FOXN3: variants seen among roughly 807,000 people sequenced by gnomAD.
The protein encoded by FOXN3 is forkhead box N3, also known as forkhead box protein N3.
FOXN3 carries 7 observed loss-of-function variants against 38.4 expected under a neutral mutation model. The observed-to-expected ratio is 0.18, with a 90% CI of 0.10 to 0.34. The LOEUF (loss-of-function observed/expected upper bound fraction) is 0.34. Among genes scored for constraint, FOXN3 ranks in the 10% least tolerant of loss-of-function variants. FOXN3 has a pLI of 1.00. For missense variants in FOXN3, 456 were observed against 613.4 expected (o/e 0.74, Z 2.71); for synonymous variants, 230 against 242.2 (o/e 0.95, Z 0.47).
chr14:89,512,676 C>A (rs1440221514), intron 1 of FOXN3, among the ~76,000 whole-genome samples: 1 of 152,236 alleles, frequency 6.6e-6, no homozygotes, highest in African/African-American at 2.4e-5. Context: ...GGACAGAGAG[C>A]CCTACCGCAC....
At chr14:89,213,038 G>C (rs1884151605) in intron 4 of FOXN3, among the ~76,000 whole-genome samples, 1 of 152,142 alleles carries the variant, frequency 6.6e-6, no homozygotes, top group Non-Finnish European at 1.5e-5. Context: ...TGTTTTTCTG[G>C]ACATAGAGAT....
intron 4 of FOXN3, among the ~76,000 whole-genome samples, chr14:89,246,542 CTTTTTT>C (rs755916666): frequency 2.4e-5 from 2 of 83,986 alleles, no homozygotes; most frequent in African/African-American, 4.8e-5. Flanking sequence ...CAGGATGCGG[CTTTTTT>C]TTTTTTTTTT....
At chr14:89,338,056 T>C (rs895420071) in intron 3 of FOXN3, among the ~76,000 whole-genome samples, 21 of 152,216 alleles carry the variant, frequency 1.4e-4, no homozygotes, top group African/African-American at 5.1e-4. Flanking sequence ...GCTTGAAGAA[T>C]GACCAGGTCC....
At chr14:89,305,881 A>G (rs183017853) in intron 3 of FOXN3, among the ~76,000 whole-genome samples, 1 of 152,332 alleles carries the variant, frequency 6.6e-6, no homozygotes, top group East Asian at 1.9e-4. Context: ...ATTTCCCTCA[A>G]TAGGATACTA....
chr14:89,488,243 G>A (rs549256796), intron 1 of FOXN3, among the ~76,000 whole-genome samples: 8 of 151,998 alleles, frequency 5.3e-5, no homozygotes, highest in Middle Eastern at 3.4e-3. Flanking sequence ...CCACCACACC[G>A]GGCTAATTTT....
At position 89,484,919 on chromosome 14, in the gene FOXN3, A is replaced by C. The variant is rs1478528117; in HGVS notation, c.-14-72429T>G. Among the ~76,000 whole-genome samples, 1 of 152,106 alleles carries C rather than the reference A, an allele frequency of 6.6e-6. No individual in the cohort carries two copies. Among genetic ancestry groups the C allele is most frequent in the Non-Finnish European group, 1.5e-5 (1 of 68,006 alleles). On this transcript the variant is annotated intron_variant, in intron 1 of 6. Coordinates refer to the FOXN3 transcript ENST00000345097. This position sits in a 1 kb window ranked among gnomAD's most constrained non-coding sequence, Gnocchi z 4.0. ...TTGGAGAACGTGCCTTGGGAGGCCAAGGCAGGAGGATCACTTGAGGTCAGG... is the reference window on the plus strand; with the variant it reads ...TTGGAGAACGTGCCTTGGGAGGCCACGGCAGGAGGATCACTTGAGGTCAGG...
At chr14:89,178,112 A>G (rs191109760) in intron 5 of FOXN3, among the ~76,000 whole-genome samples, 2 of 151,526 alleles carry the variant, frequency 1.3e-5, no homozygotes, top group Admixed American at 1.3e-4. Flanking sequence ...GGCTCAAGGG[A>G]TCCTCCCACC....
intron 1 of FOXN3, among the ~76,000 whole-genome samples, chr14:89,414,553 T>G (rs1037537917): frequency 1.5e-5 from 1 of 66,990 alleles, no homozygotes; most frequent in Non-Finnish European, 3.1e-5. Flanking sequence ...CCCAACCGGT[T>G]TTTTTTTTTT....
At chr14:89,435,247 G>A (rs780779674) in intron 1 of FOXN3, among the ~76,000 whole-genome samples, 20 of 151,896 alleles carry the variant, frequency 1.3e-4, no homozygotes, top group Admixed American at 5.9e-4. Flanking sequence ...TTAGCTGGGC[G>A]GTGCACACCT....
chr14:89,318,518 C>G (rs1428023990), intron 3 of FOXN3, among the ~76,000 whole-genome samples: 1 of 152,160 alleles, frequency 6.6e-6, no homozygotes, highest in African/African-American at 2.4e-5. Flanking sequence ...TACAGCCAGG[C>G]ACAATACAGG....
At chr14:89,551,593 C>T (rs1895007182) in intron 1 of FOXN3, among the ~76,000 whole-genome samples, 1 of 152,164 alleles carries the variant, frequency 6.6e-6, no homozygotes, top group Admixed American at 6.5e-5. Flanking sequence ...CATGTGCCAG[C>T]TGCTGCCCCA....
At chr14:89,424,675 A>G (rs12892159) in intron 1 of FOXN3, among the ~76,000 whole-genome samples, 95,760 of 149,838 alleles carry the variant, frequency 0.64, 31,652 homozygotes, top group Non-Finnish European at 0.71. Context: ...CTAGAAGTTC[A>G]AGACCAGCCT....
At chr14:89,526,690 T>G (rs952315800) in intron 1 of FOXN3, among the ~76,000 whole-genome samples, 1 of 152,176 alleles carries the variant, frequency 6.6e-6, no homozygotes. Flanking sequence ...ATCTAAAGAT[T>G]TAAAGTATTC....
intron 1 of FOXN3, among the ~76,000 whole-genome samples, chr14:89,413,944 AAGGGGGAGGAGG>A (rs1026605849): frequency 2.0e-5 from 2 of 98,564 alleles, no homozygotes; most frequent in African/African-American, 8.5e-5. Context: ...GGGGGAGGAG[AAGGGGGAGGAGG>A]AGGAGGGATG....
rs766804328 is a variant in FOXN3 at position 89,289,069 on chromosome 14, C to G, written c.681-8055G>C. On this transcript the variant is annotated intron_variant, in intron 3 of 5. Coordinates refer to ENST00000557258, the MANE Select transcript of FOXN3 (RefSeq NM_005197.4). ...TGGTGGTGGGCGCCTATAACCCTAG[C>G]TACTCAGGAGGCTTAGGCACAAGAA... Among the ~76,000 whole-genome samples the G allele has an allele frequency of 3.5e-4, 52 of 150,284 alleles. 1 individual carries two copies. Among genetic ancestry groups the G allele is most frequent in the Non-Finnish European group, 3.8e-4 (26 of 67,702 alleles).
At chr14:89,175,464 T>C (rs539373347) in intron 5 of FOXN3, among the ~76,000 whole-genome samples, 1 of 152,316 alleles carries the variant, frequency 6.6e-6, no homozygotes, top group South Asian at 2.1e-4. Context: ...GAAGGAAACC[T>C]GGGAAGGTCT....
chr14:89,354,447 A>G (rs1475095899), intron 2 of FOXN3, among the ~76,000 whole-genome samples: 1 of 150,786 alleles, frequency 6.6e-6, no homozygotes, highest in African/African-American at 2.4e-5. Flanking sequence ...GCTGGTCTCA[A>G]ACTCCTAACC....
At position 89,325,449 on chromosome 14, in the gene FOXN3, C is replaced by T. The variant is rs552177568; in HGVS notation, c.680+25223G>A. Among the ~76,000 whole-genome samples the T allele has an allele frequency of 5.3e-5, 8 of 152,112 alleles. No individual in the cohort carries two copies. In the East Asian group the frequency reaches 1.4e-3, roughly 26 times the overall value. On this transcript the variant is annotated intron_variant, in intron 3 of 5. Transcript: ENST00000557258. The stretch of plus-strand genomic sequence containing the variant: ...CTCTGCACTGTATCATGTCAGAGAC[C>T]CAGAGACTGAGGCTACTGGGGCCCT...
intron 4 of FOXN3, among the ~76,000 whole-genome samples, chr14:89,228,148 T>C (rs988409617): frequency 3.3e-5 from 5 of 152,226 alleles, no homozygotes; most frequent in African/African-American, 1.2e-4. Context: ...TTAAAGTGTA[T>C]TGTTTAAAGC....
Sources: gnomAD v4.1 joint callset for allele counts (sites outside exome capture counted in the v4.1 genomes callset) on GRCh38, gnomAD v4.1.1 for gene constraint, Gnocchi (gnomAD v3.1) non-coding constraint, MANE v1.5 for transcripts, NCBI Gene and HGNC (gene_info 2026-07-23, HGNC 2026-07-21) for gene names.